GRM7: variants seen among roughly 807,000 people sequenced by gnomAD.
The protein encoded by GRM7 is glutamate metabotropic receptor 7.
In GRM7, 35 loss-of-function variants were observed where a neutral mutation model predicts 84.5. The ratio of observed to expected loss-of-function variants is 0.41; its 90% CI spans 0.32 to 0.55. The LOEUF (loss-of-function observed/expected upper bound fraction) is 0.55, where lower values mean the gene tolerates loss of function less well. Ranked by LOEUF, GRM7 falls within the 20% of genes least tolerant of loss-of-function variation. The pLI, the probability that GRM7 is intolerant of heterozygous loss-of-function variation, is 0.19. For missense variants in GRM7, 1,003 were observed against 1,194.6 expected (o/e 0.84, Z 2.36); for synonymous variants, 487 against 455.1 (o/e 1.07, Z -0.89).
chr3:6,951,640 T>C (rs936635376), intron 1 of GRM7, among the ~76,000 whole-genome samples: 1 of 152,230 alleles, frequency 6.6e-6, no homozygotes, highest in East Asian at 1.9e-4. Context: ...ACTTGCATCT[T>C]TTAAGGTTTA....
At chr3:7,476,760 C>A (rs561298224) in intron 7 of GRM7, among the ~76,000 whole-genome samples, 2 of 152,246 alleles carry the variant, frequency 1.3e-5, no homozygotes, top group South Asian at 2.1e-4. Flanking sequence ...ACCTCTCTGC[C>A]CTTATTCTGC....
intron 1 of GRM7, among the ~76,000 whole-genome samples, chr3:7,089,023 T>C (rs1413196519): frequency 2.0e-5 from 3 of 152,100 alleles, no homozygotes; most frequent in Admixed American, 6.5e-5. Flanking sequence ...CAAATGTCGA[T>C]TACCAAACAG....
At chr3:7,629,259 G>T (rs956738101) in intron 8 of GRM7, among the ~76,000 whole-genome samples, 7 of 152,188 alleles carry the variant, frequency 4.6e-5, no homozygotes, top group Non-Finnish European at 8.8e-5. Flanking sequence ...GAGGTAGGTA[G>T]AGTTGTATAT....
chr3:7,405,951 GT>G (rs1695657149), intron 4 of GRM7, among the ~76,000 whole-genome samples: 1 of 151,564 alleles, frequency 6.6e-6, no homozygotes, highest in African/African-American at 2.4e-5. Flanking sequence ...ATTAGATAAT[GT>G]AGTGAATATT....
At chr3:7,325,596 G>T (rs952038905) in intron 4 of GRM7, among the ~76,000 whole-genome samples, 1 of 152,178 alleles carries the variant, frequency 6.6e-6, no homozygotes, top group Non-Finnish European at 1.5e-5. Flanking sequence ...CTGAGGGATA[G>T]ATATCCCAGC....
chr3:6,942,508 A>G (rs1000632330), intron 1 of GRM7, among the ~76,000 whole-genome samples: 2 of 152,116 alleles, frequency 1.3e-5, no homozygotes, highest in Non-Finnish European at 2.9e-5. Flanking sequence ...ATTGGCTTCC[A>G]TTACTCAGCA....
At chr3:7,124,378 C>T (rs1019957328) in intron 1 of GRM7, among the ~76,000 whole-genome samples, 9 of 152,218 alleles carry the variant, frequency 5.9e-5, no homozygotes, top group Middle Eastern at 3.4e-3. Flanking sequence ...TGGTGGCTCA[C>T]GCTTGTAATC....
chr3:7,215,114 T>A (rs897589242), intron 2 of GRM7, among the ~76,000 whole-genome samples: 4 of 152,202 alleles, frequency 2.6e-5, no homozygotes, highest in Non-Finnish European at 5.9e-5. Flanking sequence ...TGCATAAGCA[T>A]CACATAGGGA....
In GRM7 at chr3:7,022,105, T is replaced by C. The variant is rs147004880; in HGVS notation, c.520-124347T>C. ...CACTTTGGGAGCTGAGTTGGGAGAA[T>C]TGCTTGAGCCTAGGAGTTTGAGACC... On this transcript the variant is annotated intron_variant, in intron 1 of 9. Coordinates refer to ENST00000357716, the MANE Select transcript of GRM7 (RefSeq NM_000844.4). 7.3e-3 allele frequency among the ~76,000 whole-genome samples: 1,110 copies of C among 152,164 alleles called. 15 individuals carry two copies. The highest frequency in any genetic ancestry group is 0.025 in the African/African-American group (1,039 of 41,512).
At chr3:7,301,457 T>C (rs1028643443) in intron 3 of GRM7, among the ~76,000 whole-genome samples, 2 of 152,186 alleles carry the variant, frequency 1.3e-5, no homozygotes, top group African/African-American at 2.4e-5. Context: ...TTTACACTTT[T>C]GCTAAATATG....
chr3:7,053,304 G>C (rs1697079661), intron 1 of GRM7, among the ~76,000 whole-genome samples: 1 of 149,990 alleles, frequency 6.7e-6, no homozygotes, highest in Admixed American at 6.7e-5. Flanking sequence ...TCATTTATTG[G>C]CTAAATATTT....
chr3:7,400,694 C>T (rs1481573087), intron 4 of GRM7, among the ~76,000 whole-genome samples: 1 of 152,154 alleles, frequency 6.6e-6, no homozygotes, highest in Non-Finnish European at 1.5e-5. Flanking sequence ...CATTTTTCTT[C>T]ATCTCTGAAA....
At chr3:7,302,985 G>A (rs1700060140) in intron 3 of GRM7, among the ~76,000 whole-genome samples, 1 of 140,274 alleles carries the variant, frequency 7.1e-6, no homozygotes, top group Admixed American at 7.3e-5. Context: ...CTGTTGCCCA[G>A]GCTGGAGTGC....
At chr3:7,353,834 A>G (rs1693268735) in intron 4 of GRM7, among the ~76,000 whole-genome samples, 1 of 152,144 alleles carries the variant, frequency 6.6e-6, no homozygotes, top group Admixed American at 6.6e-5. Flanking sequence ...CAAGGTGTAC[A>G]TAGTTACTAT....
At chr3:7,596,863 G>A (rs1050814551) in intron 8 of GRM7, among the ~76,000 whole-genome samples, 13 of 152,186 alleles carry the variant, frequency 8.5e-5, no homozygotes, top group African/African-American at 2.4e-4. Flanking sequence ...AGTAGGTGGA[G>A]AGGGTTATAG....
chr3:6,913,682 C>T lies in GRM7; in HGVS notation c.519+51775C>T, dbSNP rs185700110. On this transcript the variant is annotated intron_variant, in intron 1 of 9. Coordinates refer to ENST00000357716, the MANE Select transcript of GRM7 (RefSeq NM_000844.4). ...TATTCATAAAGTGATGTTTCTAGTC[C>T]GGCCAGAGGTTGTTCTGTTCAAGTT... Among the ~76,000 whole-genome samples, 30 of 152,178 alleles carry T rather than the reference C, an allele frequency of 2.0e-4. No homozygotes were observed. In the East Asian group the frequency reaches 4.3e-3, roughly 22 times the overall value.
intron 2 of GRM7, among the ~76,000 whole-genome samples, chr3:7,191,375 G>T (rs1414058406): frequency 2.0e-5 from 3 of 151,798 alleles, no homozygotes; most frequent in Non-Finnish European, 4.4e-5. Flanking sequence ...ATTTGTTAAT[G>T]AATTAAGACA....
At chr3:7,217,095 A>T (rs1283605223) in intron 2 of GRM7, among the ~76,000 whole-genome samples, 2 of 152,204 alleles carry the variant, frequency 1.3e-5, no homozygotes, top group East Asian at 1.9e-4. Flanking sequence ...AGAAGGGGAA[A>T]ATAAGCAAAA....
At chr3:7,111,327 A>G (rs1038296150) in intron 1 of GRM7, among the ~76,000 whole-genome samples, 2 of 152,284 alleles carry the variant, frequency 1.3e-5, no homozygotes, top group South Asian at 4.1e-4. Flanking sequence ...AGGCATGGCT[A>G]GAGGCCAGCA....
Sources: allele counts gnomAD v4.1 joint callset (sites outside exome capture counted in the v4.1 genomes callset), GRCh38; gene constraint gnomAD v4.1.1; transcripts MANE v1.5; gene names NCBI Gene and HGNC (gene_info 2026-07-23, HGNC 2026-07-21).